Variants in PLCL1 observed in about 807,000 individuals in gnomAD.
The protein encoded by PLCL1 is inactive phospholipase C-like protein 1.
In PLCL1, 41 loss-of-function variants were observed where a neutral mutation model predicts 84.4. The observed-to-expected ratio is 0.49, with a 90% CI of 0.38 to 0.63. The LOEUF (loss-of-function observed/expected upper bound fraction) is 0.63, where lower values mean the gene tolerates loss of function less well. Among genes scored for constraint, PLCL1 ranks in the 30% least tolerant of loss-of-function variants. The probability of loss-of-function intolerance (pLI) is 0.00; values close to 1 mark genes in which losing one functional copy is unlikely to be tolerated. For missense variants in PLCL1, 1,206 were observed against 1,367.8 expected, an observed-to-expected ratio of 0.88 and a Z score of 1.87; for synonymous variants, 490 against 488.3, an observed-to-expected ratio of 1.00 and a Z score of -0.05.
rs576621390 is a variant in PLCL1 at position 197,946,528 on chromosome 2, A to G, written c.241-137230A>G. On this transcript the variant is annotated intron_variant, in intron 1 of 5. Transcript: ENST00000428675. ...AAATTAAAAACAATTTTTTTTATTT[A>G]TTGGAAATGAGGGTGCTAGTGGAAG... Among the ~76,000 whole-genome samples the G allele has an allele frequency of 1.3e-4, 20 of 152,138 alleles. No homozygotes were observed. In the South Asian group the frequency reaches 4.1e-3, roughly 32 times the overall value.
chr2:198,031,486 C>G (rs886491050), intron 1 of PLCL1, among the ~76,000 whole-genome samples: 2 of 151,426 alleles, frequency 1.3e-5, no homozygotes, highest in Admixed American at 1.3e-4. Flanking sequence ...ATGGATTGAC[C>G]GTTCAGTATT....
intron 1 of PLCL1, among the ~76,000 whole-genome samples, chr2:197,881,821 C>G (rs1687835669): frequency 6.6e-6 from 1 of 152,076 alleles, no homozygotes; most frequent in Non-Finnish European, 1.5e-5. Context: ...ATTCATCACC[C>G]AGCTCCAACA....
chr2:198,094,032 A>T (rs1693124028), intron 3 of PLCL1, among the ~76,000 whole-genome samples: 1 of 152,038 alleles, frequency 6.6e-6, no homozygotes, highest in African/African-American at 2.4e-5. Context: ...GAGGGTTTTA[A>T]AATTCAGTCT....
At chr2:197,967,474 A>G (rs2105794549) in intron 1 of PLCL1, among the ~76,000 whole-genome samples, 1 of 152,340 alleles carries the variant, frequency 6.6e-6, no homozygotes, top group East Asian at 1.9e-4. Flanking sequence ...GGGTATCACT[A>G]GATACATATG....
chr2:198,100,851 A>G (rs1271966448), intron 3 of PLCL1, among the ~76,000 whole-genome samples: 2 of 151,960 alleles, frequency 1.3e-5, no homozygotes, highest in South Asian at 4.2e-4. Flanking sequence ...AGCAGATAAT[A>G]TTTTTAAAGG....
intron 1 of PLCL1, among the ~76,000 whole-genome samples, chr2:197,928,249 A>G (rs2105762957): frequency 6.6e-6 from 1 of 152,334 alleles, no homozygotes; most frequent in Non-Finnish European, 1.5e-5. Flanking sequence ...TCCAATTTAT[A>G]TAATCACTCA....
At chr2:198,126,407 C>A (rs544449974) in intron 5 of PLCL1, among the ~76,000 whole-genome samples, 2 of 152,280 alleles carry the variant, frequency 1.3e-5, no homozygotes, top group South Asian at 4.1e-4. Flanking sequence ...ATCTTTTCAA[C>A]TTTTTGTCTT....
chr2:197,989,976 T>C (rs17790682), intron 1 of PLCL1, among the ~76,000 whole-genome samples: 4,952 of 152,260 alleles, frequency 0.033, 144 homozygotes, highest in Admixed American at 0.085. Context: ...TAGATTACAG[T>C]TGGAGAATCC....
In PLCL1 at chr2:197,942,203, CT is replaced by C. The variant is rs375126675; in HGVS notation, c.240+136865del. Among the ~76,000 whole-genome samples the C allele has an allele frequency of 1.5e-3, 228 of 152,304 alleles. 6 individuals carry two copies. The highest frequency in any genetic ancestry group is 8.1e-3 in the South Asian group (39 of 4,828). ...TTTGAATTTCACAGGAAAGGGCTCC[CT>C]GGTCACAAAGCAAACCCCTCCACTT... On this transcript the variant is annotated intron_variant, in intron 1 of 5. Transcript: ENST00000428675.
intron 1 of PLCL1, among the ~76,000 whole-genome samples, chr2:197,871,188 A>G (rs533101181): frequency 6.6e-6 from 1 of 152,176 alleles, no homozygotes; most frequent in South Asian, 2.1e-4. Context: ...AAACTCCTGA[A>G]GAGTTAGCTG....
chr2:198,061,076 A>G (rs970194773), intron 1 of PLCL1, among the ~76,000 whole-genome samples: 4 of 152,190 alleles, frequency 2.6e-5, no homozygotes, highest in Non-Finnish European at 5.9e-5. Context: ...AGCCAAGTGT[A>G]ATGATTAGCA....
At chr2:197,944,611 GA>G (rs933086319) in intron 1 of PLCL1, among the ~76,000 whole-genome samples, 72 of 152,290 alleles carry the variant, frequency 4.7e-4, no homozygotes, top group Middle Eastern at 3.4e-3. Context: ...TTCAAGCTAA[GA>G]ATGTGAGGTC....
chr2:198,039,064 C>A (rs1431861217), intron 1 of PLCL1, among the ~76,000 whole-genome samples: 1 of 152,040 alleles, frequency 6.6e-6, no homozygotes, highest in Admixed American at 6.6e-5. Flanking sequence ...TAAAAACAAA[C>A]CCTGTCTGCT....
At chr2:198,126,170 A>T (rs1335578150) in intron 5 of PLCL1, among the ~76,000 whole-genome samples, 2 of 152,050 alleles carry the variant, frequency 1.3e-5, no homozygotes, top group Non-Finnish European at 2.9e-5. Context: ...TTCTGCTCCT[A>T]ACATGGCCAT....
At chr2:198,079,716 T>C (rs1692662728) in intron 1 of PLCL1, among the ~76,000 whole-genome samples, 1 of 152,212 alleles carries the variant, frequency 6.6e-6, no homozygotes, top group Non-Finnish European at 1.5e-5. Flanking sequence ...AGAGACCATA[T>C]AAACCCAATT....
chr2:198,050,214 G>A (rs1231211473), intron 1 of PLCL1, among the ~76,000 whole-genome samples: 1 of 152,134 alleles, frequency 6.6e-6, no homozygotes, highest in Non-Finnish European at 1.5e-5. Flanking sequence ...TCTGTCTGCC[G>A]AGGCCTGTTT....
chr2:198,030,408 C>A (rs986573544), intron 1 of PLCL1, among the ~76,000 whole-genome samples: 2 of 152,014 alleles, frequency 1.3e-5, no homozygotes, highest in Non-Finnish European at 2.9e-5. Flanking sequence ...ATTTCAGATT[C>A]CAGAATAACT....
At chr2:198,115,914 A>T (rs1025307435) in intron 5 of PLCL1, among the ~76,000 whole-genome samples, 3 of 149,112 alleles carry the variant, frequency 2.0e-5, no homozygotes, top group African/African-American at 4.9e-5. Context: ...CATATATAAA[A>T]AATTTTTATG....
In PLCL1 at chr2:198,014,687, T is replaced by G. The variant is rs964123244; in HGVS notation, c.241-69071T>G. 4.6e-5 allele frequency among the ~76,000 whole-genome samples: 7 copies of G among 152,246 alleles called. No homozygotes were observed. In the South Asian group the frequency reaches 1.5e-3, roughly 32 times the overall value. On this transcript the variant is annotated intron_variant, in intron 1 of 5. Coordinates refer to ENST00000428675, the MANE Select transcript of PLCL1 (RefSeq NM_006226.4). ...TCTGTAATGACTGCATAAACAATTCTTGCATTTTCCTGAAGTGTTCATTTT... is the reference window on the plus strand; with the variant it reads ...TCTGTAATGACTGCATAAACAATTCGTGCATTTTCCTGAAGTGTTCATTTT...
Sources: gnomAD v4.1 joint callset for allele counts (sites outside exome capture counted in the v4.1 genomes callset) on GRCh38, gnomAD v4.1.1 for gene constraint, MANE v1.5 for transcripts, NCBI Gene and HGNC (gene_info 2026-07-23, HGNC 2026-07-21) for gene names.